Variants in TRAFD1 observed in about 807,000 individuals in gnomAD.
TRAFD1 encodes the protein TRAF-type zinc finger domain containing 1.
In TRAFD1, 38 loss-of-function variants were observed where a neutral mutation model predicts 65.3. The observed-to-expected ratio is 0.58, with a 90% CI of 0.45 to 0.76. TRAFD1 has a LOEUF of 0.76. TRAFD1 is among the 30% of genes least tolerant of loss of function. The probability of loss-of-function intolerance (pLI) is 0.00; values close to 1 mark genes in which losing one functional copy is unlikely to be tolerated. For synonymous variants in TRAFD1, 223 were observed against 257.2 expected (o/e 0.87, Z 1.27); for missense variants, 631 against 712.6 (o/e 0.89, Z 1.30).
intron 8 of TRAFD1, 171 bp from the exon 9 acceptor site, chr12:112,149,580 T>C (rs1051663496): frequency 1.1e-5 from 8 of 757,196 alleles, no homozygotes; most frequent in Middle Eastern, 4.0e-4. Context: ...CATGTGCCGA[T>C]GGGATTGAAT....
chr12:112,126,079 T>C (rs2079535359), intron 1 of TRAFD1: 1 of 152,280 alleles, frequency 6.6e-6, no homozygotes, highest in Non-Finnish European at 1.5e-5. Flanking sequence ...CCTTCCGCTT[T>C]CGTAGCCTCT....
intron 1 of TRAFD1, among the ~76,000 whole-genome samples, chr12:112,129,482 A>G (rs769830791): frequency 1.3e-4 from 20 of 152,174 alleles, no homozygotes; most frequent in Admixed American, 2.6e-4. Context: ...GAGTACAGGC[A>G]TGAGCCCCTG....
At chr12:112,150,434 A>C (rs1197197904) in intron 9 of TRAFD1, among the ~76,000 whole-genome samples, 1 of 151,990 alleles carries the variant, frequency 6.6e-6, no homozygotes, top group Non-Finnish European at 1.5e-5. Flanking sequence ...GTTTTTGTAG[A>C]GATAGGGTCT....
intron 6 of TRAFD1, among the ~76,000 whole-genome samples, chr12:112,143,936 C>G (rs766749118): frequency 6.6e-6 from 1 of 151,880 alleles, no homozygotes; most frequent in East Asian, 2.0e-4. Context: ...CCATGTTGCC[C>G]AGGCTAGTCT....
In TRAFD1 at chr12:112,129,193, A is replaced by ATT. The variant is rs56949881; in HGVS notation, c.-12-1293_-12-1292dup. Among the ~76,000 whole-genome samples the ATT allele has an allele frequency of 2.5e-3, 206 of 81,364 alleles. 13 individuals are homozygous for ATT. Among genetic ancestry groups the ATT allele is most frequent in the South Asian group, 0.012 (23 of 1,984 alleles). The allele number at this position is 81,364 out of a possible 152,430, so 53.4% of individuals were successfully genotyped here. A position where few individuals can be genotyped will look rare whatever the true frequency, so the allele number is the denominator to read the frequency against. On this transcript the variant is annotated intron_variant, in intron 1 of 11. Transcript: ENST00000412615. Reference sequence around the variant, plus strand: ...GAACCAGAAAAAGGGTGGGATGGTGATTTTTTTTTTTTTTTTTTTTTTTTT... The same window carrying ATT: ...GAACCAGAAAAAGGGTGGGATGGTGATTTTTTTTTTTTTTTTTTTTTTTTTTT...
At chr12:112,131,174 A>G (rs1319558045) in intron 2 of TRAFD1, among the ~76,000 whole-genome samples, 1 of 152,200 alleles carries the variant, frequency 6.6e-6, no homozygotes, top group Non-Finnish European at 1.5e-5. Context: ...TATTTCTGCT[A>G]TGCCACTATC....
chr12:112,129,538 A>G (rs2079557160), intron 1 of TRAFD1, among the ~76,000 whole-genome samples: 1 of 152,056 alleles, frequency 6.6e-6, no homozygotes, highest in African/African-American at 2.4e-5. Context: ...TAGATTAGTT[A>G]CTAGTATTGT....
At chr12:112,143,843 C>T (rs2030159594) in intron 6 of TRAFD1, among the ~76,000 whole-genome samples, 1 of 151,450 alleles carries the variant, frequency 6.6e-6, no homozygotes, top group Non-Finnish European at 1.5e-5. Flanking sequence ...AGTGATCCTC[C>T]CACTTCAGTC....
Position 112,141,194 on chromosome 12 carries a change from A to G in TRAFD1, c.613A>G (p.Thr205Ala). 1 of 1,614,196 alleles carries G rather than the reference A, an allele frequency of 6.2e-7. No individual in the cohort carries two copies. Among genetic ancestry groups the G allele is most frequent in the Non-Finnish European group, 8.5e-7 (1 of 1,180,046 alleles). Reference protein sequence around the residue: ...HNRTTNQRNITAQVSIQNNLF... With the variant: ...HNRTTNQRNIAAQVSIQNNLF... Reference sequence around the variant, plus strand: ...TAGAACTACCAACCAAAGGAACATTACAGCCCAGGTTTCAATTCAGAATAA... The same window carrying G: ...TAGAACTACCAACCAAAGGAACATTGCAGCCCAGGTTTCAATTCAGAATAA... Residue 205 changes from threonine (T) to alanine (A), a missense_variant, in exon 5 of 12, where the codon ACA (threonine) becomes GCA (alanine). Transcript: ENST00000412615.
chr12:112,142,339 TG>T, intron 6 of TRAFD1, 44 bp downstream of exon 6: 2 of 1,577,028 alleles, frequency 1.3e-6, no homozygotes, highest in South Asian at 2.3e-5. Context: ...CTACAGTTTT[TG>T]TAAGTCTTAG....
chr12:112,141,893 A>G (rs997231857), intron 5 of TRAFD1, 196 bp from the exon 6 acceptor site: 1 of 586,226 alleles, frequency 1.7e-6, no homozygotes, highest in Non-Finnish European at 3.0e-6. Context: ...TAGAATAATA[A>G]TGGAGCCTTT....
Position 112,151,842 on chromosome 12 carries a change from A to G in TRAFD1, c.1321A>G (p.Thr441Ala). ...TTACCTGGATGATACTAAGCAGGAAACAGCTAATGGGCCCACCTCCTGTCT... is the reference window on the plus strand; with the variant it reads ...TTACCTGGATGATACTAAGCAGGAAGCAGCTAATGGGCCCACCTCCTGTCT... The part of the protein sequence containing the change: ...SGYLDDTKQE[T>A]ANGPTSCLPP... Residue 441 changes from threonine to alanine, a missense_variant, in exon 10 of 12, where the codon ACA (threonine) becomes GCA (alanine). Coordinates refer to ENST00000412615, the MANE Select transcript of TRAFD1 (RefSeq NM_006700.3). The G allele has an allele frequency of 1.2e-6, 2 of 1,614,202 alleles. No homozygotes were observed. The highest frequency in any genetic ancestry group is 1.3e-5 in the African/African-American group (1 of 75,044).
Position 112,151,879 on chromosome 12 carries a change from G to C in TRAFD1, c.1358G>C (p.Arg453Pro). 1 of 1,614,110 alleles carries C rather than the reference G, an allele frequency of 6.2e-7. No homozygotes were observed. The highest frequency in any genetic ancestry group is 1.1e-5 in the South Asian group (1 of 91,084). ...CCCACCTCCTGTCTGCCTCCCAGCC[G>C]ACCCATTAACAATATGACAGCTACC... The part of the protein sequence containing the change: ...NGPTSCLPPS[R>P]PINNMTATYN... The change falls in exon 10 of 12, where the codon CGA becomes CCA. Residue 453 changes from arginine (R) to proline (P), a missense_variant. Physicochemically the swap from Arg to Pro is moderately radical, Grantham distance 103 (BLOSUM62 -2). Coordinates refer to ENST00000412615, the MANE Select transcript of TRAFD1 (RefSeq NM_006700.3).
chr12:112,133,535 C>G (rs1396145146), intron 2 of TRAFD1, among the ~76,000 whole-genome samples: 1 of 152,100 alleles, frequency 6.6e-6, no homozygotes, highest in African/African-American at 2.4e-5. Flanking sequence ...GCGTATCACT[C>G]TGCTTTGGGA....
At chr12:112,144,997 A>G (rs1350715805) in intron 6 of TRAFD1, among the ~76,000 whole-genome samples, 1 of 152,216 alleles carries the variant, frequency 6.6e-6, no homozygotes, top group African/African-American at 2.4e-5. Context: ...TCTTTTACCC[A>G]GAACTAAAAT....
intron 2 of TRAFD1, among the ~76,000 whole-genome samples, chr12:112,133,906 A>G (rs770301577): frequency 6.7e-6 from 1 of 149,734 alleles, no homozygotes; most frequent in Non-Finnish European, 1.5e-5. Context: ...GGGTTTCACC[A>G]TGTTGGCTAG....
intron 1 of TRAFD1, chr12:112,126,044 C>G (rs965379795): frequency 6.6e-6 from 1 of 152,312 alleles, no homozygotes; most frequent in Admixed American, 6.5e-5. Flanking sequence ...CTCCGACCCG[C>G]TGGTGCTGTG....
At chr12:112,135,878 C>T (rs2079597373) in intron 4 of TRAFD1, among the ~76,000 whole-genome samples, 1 of 144,234 alleles carries the variant, frequency 6.9e-6, no homozygotes, top group Admixed American at 7.0e-5. Context: ...CATGGTGGCT[C>T]ATGCCTGTAA....
chr12:112,132,532 A>C (rs1268223497), intron 2 of TRAFD1, among the ~76,000 whole-genome samples: 7 of 152,234 alleles, frequency 4.6e-5, no homozygotes, highest in Non-Finnish European at 1.0e-4. Flanking sequence ...TTTGAGAGAA[A>C]TATGGGAAGT....
Sources: gnomAD v4.1 joint callset for allele counts (sites outside exome capture counted in the v4.1 genomes callset) on GRCh38, gnomAD v4.1.1 for gene constraint, MANE v1.5 for transcripts, NCBI Gene and HGNC (gene_info 2026-07-23, HGNC 2026-07-21) for gene names.